Variants in ARHGAP15 observed in about 807,000 individuals in gnomAD.
ARHGAP15 encodes Rho GTPase activating protein 15, also known as rho GTPase-activating protein 15.
Under a neutral mutation model 63.7 loss-of-function variants are expected in ARHGAP15, and 51 were observed. That is an observed-to-expected ratio of 0.80 (90% CI 0.64 to 1.01). The LOEUF is 1.01. Ranked by LOEUF, ARHGAP15 falls within the 50% of genes least tolerant of loss-of-function variation. The probability of loss-of-function intolerance (pLI) is 0.00; values close to 1 mark genes in which losing one functional copy is unlikely to be tolerated. For synonymous variants in ARHGAP15, 191 were observed against 193.8 expected, an observed-to-expected ratio of 0.99 and a Z score of 0.12; for missense variants, 560 against 564.6, an observed-to-expected ratio of 0.99 and a Z score of 0.08.
At chr2:143,408,212 C>T (rs924924856) in intron 6 of ARHGAP15, among the ~76,000 whole-genome samples, 5 of 149,146 alleles carry the variant, frequency 3.4e-5, no homozygotes, top group African/African-American at 9.8e-5. Context: ...CAGTCTCTCT[C>T]CCTCTCTCCC....
intron 13 of ARHGAP15, among the ~76,000 whole-genome samples, chr2:143,716,909 A>G (rs994835228): frequency 6.6e-6 from 1 of 152,218 alleles, no homozygotes; most frequent in Non-Finnish European, 1.5e-5. Flanking sequence ...TTAATTAGTG[A>G]GCCCTTATAT....
At chr2:143,426,304 GA>G (rs1283569543) in intron 6 of ARHGAP15, among the ~76,000 whole-genome samples, 1 of 152,094 alleles carries the variant, frequency 6.6e-6, no homozygotes, top group African/African-American at 2.4e-5. Flanking sequence ...TGAATCCTTA[GA>G]TTTGCTCAAG....
At chr2:143,345,459 C>A (rs1324124359) in intron 6 of ARHGAP15, among the ~76,000 whole-genome samples, 1 of 152,090 alleles carries the variant, frequency 6.6e-6, no homozygotes, top group African/African-American at 2.4e-5. Context: ...AAGTACTCTT[C>A]CACCTGAACC....
chr2:143,181,273 A>G (rs1322680001), intron 2 of ARHGAP15, among the ~76,000 whole-genome samples: 1 of 152,188 alleles, frequency 6.6e-6, no homozygotes, highest in Non-Finnish European at 1.5e-5. Flanking sequence ...TATATTTAGT[A>G]TCATTTTTAA....
At chr2:143,698,370 T>C (rs1171321442) in intron 12 of ARHGAP15, among the ~76,000 whole-genome samples, 1 of 152,188 alleles carries the variant, frequency 6.6e-6, no homozygotes, top group East Asian at 1.9e-4. Flanking sequence ...TTCATGCAGA[T>C]GAATGCAAGT....
intron 6 of ARHGAP15, among the ~76,000 whole-genome samples, chr2:143,389,320 T>G (rs1038756487): frequency 2.6e-5 from 4 of 152,064 alleles, no homozygotes; most frequent in African/African-American, 9.7e-5. Flanking sequence ...TCCAGGTGAC[T>G]TGTACGTCTG....
chr2:143,314,119 C>A (rs1412987683), intron 6 of ARHGAP15, among the ~76,000 whole-genome samples: 1 of 152,004 alleles, frequency 6.6e-6, no homozygotes, highest in Non-Finnish European at 1.5e-5. Flanking sequence ...GGCAGCCCAC[C>A]CCAGGAAGAT....
intron 2 of ARHGAP15, among the ~76,000 whole-genome samples, chr2:143,196,418 G>A (rs1382583005): frequency 1.3e-5 from 2 of 151,898 alleles, no homozygotes; most frequent in Admixed American, 6.6e-5. Flanking sequence ...AAAAGATAAG[G>A]TTGGACTCTT....
At chr2:143,432,059 T>G (rs1689412406) in intron 6 of ARHGAP15, among the ~76,000 whole-genome samples, 3 of 152,076 alleles carry the variant, frequency 2.0e-5, no homozygotes, top group African/African-American at 7.2e-5. Context: ...TTGGTTATTA[T>G]TTATAAAAGA....
intron 13 of ARHGAP15, among the ~76,000 whole-genome samples, chr2:143,739,706 C>T (rs1231052155): frequency 1.3e-5 from 2 of 152,152 alleles, no homozygotes; most frequent in African/African-American, 4.8e-5. Context: ...TTGACAATTC[C>T]TTTTCATTGT....
intron 6 of ARHGAP15, among the ~76,000 whole-genome samples, chr2:143,430,177 CTT>C (rs35690060): frequency 3.3e-4 from 48 of 144,006 alleles, no homozygotes; most frequent in South Asian, 1.6e-3. Flanking sequence ...GCCAAAGTAA[CTT>C]TTTTTTTTTT....
intron 13 of ARHGAP15, among the ~76,000 whole-genome samples, chr2:143,741,674 T>C (rs1032693579): frequency 5.3e-5 from 8 of 152,218 alleles, no homozygotes; most frequent in Non-Finnish European, 1.0e-4. Context: ...CCGAATACAT[T>C]TGGAGACTTG....
At chr2:143,708,946 C>T (rs1373381756) in intron 13 of ARHGAP15, among the ~76,000 whole-genome samples, 2 of 152,136 alleles carry the variant, frequency 1.3e-5, no homozygotes, top group Non-Finnish European at 1.5e-5. Flanking sequence ...CTCCTAGAAT[C>T]TTATCAACTA....
chr2:143,269,357 C>T (rs760816895), intron 6 of ARHGAP15, among the ~76,000 whole-genome samples: 18 of 152,122 alleles, frequency 1.2e-4, no homozygotes, highest in Non-Finnish European at 1.8e-4. Context: ...ATGAGTCTTA[C>T]GGAAGTCATG....
chr2:143,658,855 G>A (rs973702733), intron 12 of ARHGAP15, among the ~76,000 whole-genome samples: 15 of 152,172 alleles, frequency 9.9e-5, no homozygotes, highest in African/African-American at 3.4e-4. Flanking sequence ...AATATAGCTA[G>A]GAAATTTCCA....
chr2:143,493,378 T>C (rs1278231857), intron 9 of ARHGAP15, among the ~76,000 whole-genome samples: 1 of 152,260 alleles, frequency 6.6e-6, no homozygotes, highest in Non-Finnish European at 1.5e-5. Flanking sequence ...CCAAGTTATA[T>C]GCCAGATTGG....
At chr2:143,142,441 C>A (rs1051912903) in intron 1 of ARHGAP15, among the ~76,000 whole-genome samples, 2 of 151,988 alleles carry the variant, frequency 1.3e-5, no homozygotes, top group Non-Finnish European at 2.9e-5. Context: ...GGCTCATTTT[C>A]CTAAATTGAA....
At chr2:143,229,982 A>G (rs1051813732) in intron 5 of ARHGAP15, among the ~76,000 whole-genome samples, 1 of 152,192 alleles carries the variant, frequency 6.6e-6, no homozygotes. Context: ...TGCCTCAGAA[A>G]TTTGTTTTAG....
chr2:143,411,161 T>C (rs1446978415), intron 6 of ARHGAP15, among the ~76,000 whole-genome samples: 3 of 152,010 alleles, frequency 2.0e-5, no homozygotes, highest in Admixed American at 6.5e-5. Context: ...GCCAAGATCA[T>C]GCCACTGCAC....
Sources: allele counts gnomAD v4.1 joint callset (sites outside exome capture counted in the v4.1 genomes callset), GRCh38; gene constraint gnomAD v4.1.1; transcripts MANE v1.5; gene names NCBI Gene and HGNC (gene_info 2026-07-23, HGNC 2026-07-21).